Variants in TRAF2 observed in about 807,000 individuals in gnomAD.
TRAF2 encodes TNF receptor associated factor 2.
Under a neutral mutation model 55.6 loss-of-function variants are expected in TRAF2, and 6 were observed. That is an observed-to-expected ratio of 0.11 (90% CI 0.06 to 0.21). The LOEUF is 0.21. Among genes scored for constraint, TRAF2 ranks in the 10% least tolerant of loss-of-function variants. The pLI, the probability that TRAF2 is intolerant of heterozygous loss-of-function variation, is 1.00. For missense variants in TRAF2, 561 were observed against 684.5 expected, an observed-to-expected ratio of 0.82 and a Z score of 2.01; for synonymous variants, 329 against 276.3, an observed-to-expected ratio of 1.19 and a Z score of -1.89.
At chr9:136,922,133 C>T (rs529781706) in intron 9 of TRAF2, among the ~76,000 whole-genome samples, 7 of 152,322 alleles carry the variant, frequency 4.6e-5, no homozygotes, top group African/African-American at 1.4e-4. Context: ...CTGGCGCCCT[C>T]GAGGCGGAAA....
intron 1 of TRAF2, among the ~76,000 whole-genome samples, chr9:136,897,995 C>A (rs924498906): frequency 7.7e-6 from 1 of 130,214 alleles, no homozygotes; most frequent in African/African-American, 3.0e-5. Flanking sequence ...ATAGGGAGTG[C>A]ACTAGCCAGC....
chr9:136,913,082 G>A (rs866170928), intron 6 of TRAF2, among the ~76,000 whole-genome samples: 19 of 152,030 alleles, frequency 1.2e-4, no homozygotes, highest in Non-Finnish European at 2.2e-4. Flanking sequence ...GGTTGCAGTC[G>A]CAGTGAGCCA....
intron 4 of TRAF2, among the ~76,000 whole-genome samples, chr9:136,905,585 A>G (rs539214880): frequency 6.6e-6 from 1 of 152,356 alleles, no homozygotes; most frequent in South Asian, 2.1e-4. Context: ...GAAAATGGTT[A>G]AGATGATACA....
At chr9:136,882,540 C>A, upstream of TRAF2, 1 of 387,268 alleles carries the variant, frequency 2.6e-6, no homozygotes, top group Non-Finnish European at 3.5e-6. Flanking sequence ...CTCCTTCCTG[C>A]TCCTGCAACC....
upstream of TRAF2, among the ~76,000 whole-genome samples, chr9:136,885,495 C>T (rs1245463105): frequency 1.3e-5 from 2 of 152,196 alleles, no homozygotes; most frequent in African/African-American, 4.8e-5. Flanking sequence ...CTGTTTTGGC[C>T]GCCAAGGCCA....
At chr9:136,923,593 A>G (rs539045455) in intron 9 of TRAF2, among the ~76,000 whole-genome samples, 1 of 139,344 alleles carries the variant, frequency 7.2e-6, no homozygotes, top group African/African-American at 2.8e-5. Context: ...CTGGGCAACA[A>G]GAGTGAGACT....
intron 9 of TRAF2, among the ~76,000 whole-genome samples, chr9:136,922,090 ACT>A (rs1349931409): frequency 6.6e-6 from 1 of 151,768 alleles, no homozygotes; most frequent in Non-Finnish European, 1.5e-5. Flanking sequence ...TGCTCGTGAA[ACT>A]CAGCACTGGG....
At chr9:136,883,650 G>A (rs1269106497), upstream of TRAF2, among the ~76,000 whole-genome samples, 37 of 151,818 alleles carry the variant, frequency 2.4e-4, no homozygotes, top group Non-Finnish European at 5.4e-4. Flanking sequence ...CTGAGTAATT[G>A]GGATTACAGG....
At chr9:136,889,822 G>T (rs750471130) in intron 1 of TRAF2, 2 of 150,238 alleles carry the variant, frequency 1.3e-5, no homozygotes, top group African/African-American at 4.9e-5. Flanking sequence ...TGTGAGAGTC[G>T]CCCCTGCATG....
rs1243009634 is a variant in TRAF2 at position 136,918,271 on chromosome 9, TTA to T, written c.678+1657_678+1658del. On this transcript the variant is annotated intron_variant, in intron 7 of 10. Coordinates refer to ENST00000247668, the MANE Select transcript of TRAF2 (RefSeq NM_021138.4). ...TATATATATATATTTATTTAATTAATTAATTTATTTATTTTTGAGGTTGAGTC... is the reference window on the plus strand; with the variant it reads ...TATATATATATATTTATTTAATTAATATTTATTTATTTTTGAGGTTGAGTC... Among the ~76,000 whole-genome samples, 278 of 142,522 alleles carry T rather than the reference TTA, an allele frequency of 2.0e-3. 2 individuals carry two copies. The highest frequency in any genetic ancestry group is 6.9e-3 in the African/African-American group (262 of 37,734). The allele number at this position is 142,522 out of a possible 152,430, so 93.5% of individuals were successfully genotyped here. A position where few individuals can be genotyped will look rare whatever the true frequency, so the allele number is the denominator to read the frequency against.
chr9:136,889,659 A>T (rs1849533751), intron 1 of TRAF2: 2 of 152,060 alleles, frequency 1.3e-5, no homozygotes, highest in Non-Finnish European at 2.9e-5. Flanking sequence ...AGGTCTTGTT[A>T]TGTTTCCCAG....
At chr9:136,918,270 A>ATAT (rs1850295231) in intron 7 of TRAF2, among the ~76,000 whole-genome samples, 1 of 119,070 alleles carries the variant, frequency 8.4e-6, no homozygotes, top group Admixed American at 8.2e-5. Flanking sequence ...TATTTAATTA[A>ATAT]TTAATTTATT....
At chr9:136,904,358 CTG>C (rs1172997526) in intron 4 of TRAF2, among the ~76,000 whole-genome samples, 8 of 152,200 alleles carry the variant, frequency 5.3e-5, no homozygotes, top group African/African-American at 1.2e-4. Context: ...TGGGAACCCA[CTG>C]TGCCCGGCCA....
At chr9:136,921,578 G>T (rs1004905393) in intron 9 of TRAF2, among the ~76,000 whole-genome samples, 2 of 152,140 alleles carry the variant, frequency 1.3e-5, no homozygotes, top group African/African-American at 4.8e-5. Flanking sequence ...CAGGGCGGGT[G>T]GGGGTGGCTG....
At chr9:136,916,063 TC>T (rs968853875) in intron 6 of TRAF2, among the ~76,000 whole-genome samples, 41 of 152,206 alleles carry the variant, frequency 2.7e-4, no homozygotes, top group African/African-American at 9.7e-4. Context: ...CTCTGTTTCT[TC>T]CCTGGTTCGA....
chr9:136,893,576 G>T lies in TRAF2; in HGVS notation c.-28-5137G>T, dbSNP rs143159346. 6.8e-3 allele frequency among the ~76,000 whole-genome samples: 1,037 copies of T among 152,334 alleles called. 12 individuals are homozygous for T. The highest frequency in any genetic ancestry group is 9.6e-3 in the Non-Finnish European group (654 of 68,044). On this transcript the variant is annotated intron_variant, in intron 1 of 10. Transcript: ENST00000247668. The stretch of plus-strand genomic sequence containing the variant: ...GAGGGGCCAGCCCCATGGGTCTGCA[G>T]GGTTGGCGCACCGTCTGGGGAAGAC...
intron 9 of TRAF2, 108 bp from the exon 10 acceptor site, chr9:136,923,744 G>GT (rs1850455098): frequency 8.6e-7 from 1 of 1,164,300 alleles, no homozygotes; most frequent in Non-Finnish European, 1.2e-6. Flanking sequence ...GAACCTGAAT[G>GT]TTTCTTTGTA....
At chr9:136,907,540 G>T (rs1849983476) in intron 4 of TRAF2, among the ~76,000 whole-genome samples, 1 of 152,234 alleles carries the variant, frequency 6.6e-6, no homozygotes, top group African/African-American at 2.4e-5. Context: ...GGCCTTTGCT[G>T]GCTTCCTGGT....
chr9:136,913,144 A>G (rs1445933581), intron 6 of TRAF2, among the ~76,000 whole-genome samples: 2 of 151,964 alleles, frequency 1.3e-5, no homozygotes, highest in African/African-American at 4.8e-5. Context: ...CTCCATCTCA[A>G]AAAAAAACAA....
Sources: allele counts gnomAD v4.1 joint callset (sites outside exome capture counted in the v4.1 genomes callset), GRCh38; gene constraint gnomAD v4.1.1; transcripts MANE v1.5; gene names NCBI Gene and HGNC (gene_info 2026-07-23, HGNC 2026-07-21).